The following KIF16B variants were observed in gnomAD, a reference collection of about 807,000 sequenced individuals.
The protein encoded by KIF16B is kinesin family member 16B.
A neutral mutation model predicts 156.3 loss-of-function variants in KIF16B; 98 were observed. The ratio of observed to expected loss-of-function variants is 0.63; its 90% CI spans 0.53 to 0.74. The LOEUF (loss-of-function observed/expected upper bound fraction) is 0.74, where lower values mean the gene tolerates loss of function less well. Ranked by LOEUF, KIF16B falls within the 30% of genes least tolerant of loss-of-function variation. KIF16B has a pLI of 0.00. For synonymous variants in KIF16B, 564 were observed against 583.7 expected, an observed-to-expected ratio of 0.97 and a Z score of 0.49; for missense variants, 1,421 against 1,606.5, an observed-to-expected ratio of 0.88 and a Z score of 1.97.
intron 25 of KIF16B, among the ~76,000 whole-genome samples, chr20:16,280,552 C>T (rs1403754373): frequency 6.6e-6 from 1 of 152,146 alleles, no homozygotes; most frequent in Non-Finnish European, 1.5e-5. Flanking sequence ...CTTATGTGAG[C>T]CCCTAAGACA....
At chr20:16,565,945 T>G (rs1158035986) in intron 1 of KIF16B, among the ~76,000 whole-genome samples, 1 of 152,206 alleles carries the variant, frequency 6.6e-6, no homozygotes, top group Non-Finnish European at 1.5e-5. Context: ...AAAAGCAGGA[T>G]ATAGAAGTGT....
chr20:16,426,234 A>C (rs986827153), intron 15 of KIF16B, among the ~76,000 whole-genome samples: 2 of 152,186 alleles, frequency 1.3e-5, no homozygotes, highest in Non-Finnish European at 2.9e-5. Context: ...TACTATTTTC[A>C]AAACTGCCAA....
intron 24 of KIF16B, among the ~76,000 whole-genome samples, chr20:16,324,501 C>T (rs571438082): frequency 6.6e-6 from 1 of 152,114 alleles, no homozygotes; most frequent in East Asian, 1.9e-4. Flanking sequence ...GTTCCAAGCT[C>T]ATTGCTGTGG....
At chr20:16,493,000 A>G (rs1158887593) in intron 12 of KIF16B, among the ~76,000 whole-genome samples, 3 of 152,196 alleles carry the variant, frequency 2.0e-5, no homozygotes, top group African/African-American at 4.8e-5. Context: ...AACTTATTCC[A>G]CATCTGACTA....
intron 24 of KIF16B, among the ~76,000 whole-genome samples, chr20:16,324,140 G>A (rs569317385): frequency 6.6e-6 from 1 of 152,046 alleles, no homozygotes; most frequent in South Asian, 2.1e-4. Context: ...TTCTTACTAC[G>A]ATTTGAATTG....
chr20:16,427,306 T>C lies in KIF16B; in HGVS notation c.1475-65A>G, dbSNP rs1412899711. On this transcript the variant is annotated intron_variant, in intron 14 of 25. Coordinates refer to ENST00000354981, the MANE Select transcript of KIF16B (RefSeq NM_024704.5). ...TTTCTACTGCAATGATTCCCAGCTA[T>C]TTATCTATAAATTTATTTATTTTCC... The C allele has an allele frequency of 2.9e-6, 4 of 1,395,950 alleles. No individual in the cohort carries two copies. The East Asian group carries it at 7.1e-5, about 25-fold the overall frequency. 86.5% of individuals were successfully genotyped at this position (1,395,950 alleles called of 1,614,324 possible).
intron 1 of KIF16B, among the ~76,000 whole-genome samples, chr20:16,556,391 G>A (rs150409480): frequency 1.3e-5 from 2 of 152,298 alleles, no homozygotes; most frequent in African/African-American, 4.8e-5. Context: ...TGCCCACTGT[G>A]GCCTCGATGC....
chr20:16,454,383 T>C (rs1230365930), intron 12 of KIF16B, among the ~76,000 whole-genome samples: 1 of 149,350 alleles, frequency 6.7e-6, no homozygotes, highest in African/African-American at 2.4e-5. Flanking sequence ...AAGTTTTATA[T>C]ATAAATAAAA....
intron 24 of KIF16B, among the ~76,000 whole-genome samples, chr20:16,334,687 G>T (rs1185348036): frequency 6.6e-6 from 1 of 152,138 alleles, no homozygotes. Context: ...ATGGTAATGA[G>T]TACCTTGAGA....
chr20:16,317,022 C>T (rs1308461864), intron 24 of KIF16B, among the ~76,000 whole-genome samples: 3 of 152,210 alleles, frequency 2.0e-5, no homozygotes, highest in Admixed American at 2.0e-4. Flanking sequence ...TCTGAATTGT[C>T]TCTGACCTCT....
intron 1 of KIF16B, among the ~76,000 whole-genome samples, chr20:16,562,253 C>G (rs1600704851): frequency 6.6e-6 from 1 of 152,144 alleles, no homozygotes; most frequent in Non-Finnish European, 1.5e-5. Context: ...TACCATAGTG[C>G]TGTACCTCCA....
intron 22 of KIF16B, chr20:16,367,271 C>A: frequency 1.2e-6 from 2 of 1,612,850 alleles, no homozygotes; most frequent in Non-Finnish European, 1.7e-6. Flanking sequence ...AACAACTGGA[C>A]ATTTGGGGCT....
intron 1 of KIF16B, among the ~76,000 whole-genome samples, chr20:16,557,378 C>G (rs1465393097): frequency 6.6e-6 from 1 of 152,038 alleles, no homozygotes; most frequent in Non-Finnish European, 1.5e-5. Flanking sequence ...TGGGGTTTCA[C>G]CATGTTGGCC....
chr20:16,389,460 T>C (rs766312991), intron 17 of KIF16B, among the ~76,000 whole-genome samples: 109 of 152,198 alleles, frequency 7.2e-4, no homozygotes, highest in Non-Finnish European at 1.4e-3. Context: ...GGACTAGAAC[T>C]CAATGGACGG....
At chr20:16,332,407 C>T (rs1215179531) in intron 24 of KIF16B, among the ~76,000 whole-genome samples, 1 of 152,146 alleles carries the variant, frequency 6.6e-6, no homozygotes, top group Non-Finnish European at 1.5e-5. Context: ...TGGCACACCT[C>T]GGGGTCTGTA....
intron 19 of KIF16B, 87 bp from the exon 20 acceptor site, chr20:16,374,496 G>C: frequency 8.0e-7 from 1 of 1,244,270 alleles, no homozygotes. Flanking sequence ...AGATAGCATG[G>C]GGGAACAAGA....
At position 16,495,492 on chromosome 20, in the gene KIF16B, T is replaced by C. The variant is rs190394950; in HGVS notation, c.1243-1142A>G. Among the ~76,000 whole-genome samples the C allele has an allele frequency of 3.1e-3, 477 of 152,332 alleles. 3 individuals are homozygous for C. Among genetic ancestry groups the C allele is most frequent in the African/African-American group, 0.011 (456 of 41,566 alleles). ...AACCAAAATATATCTCATTCACCTA[T>C]AGTCAATCATTCAGGGGTCCTCAAT... is the stretch of plus-strand genomic sequence containing the variant. On this transcript the variant is annotated intron_variant, in intron 11 of 25. Coordinates refer to ENST00000354981, the MANE Select transcript of KIF16B (RefSeq NM_024704.5).
intron 25 of KIF16B, among the ~76,000 whole-genome samples, chr20:16,310,232 G>A (rs954666676): frequency 2.0e-5 from 3 of 152,226 alleles, no homozygotes; most frequent in African/African-American, 7.2e-5. Flanking sequence ...TCACAGCCAA[G>A]GGAAGGAAGG....
chr20:16,384,031 G>C (rs960282066), intron 17 of KIF16B, among the ~76,000 whole-genome samples: 6 of 152,240 alleles, frequency 3.9e-5, no homozygotes, highest in African/African-American at 1.4e-4. Flanking sequence ...CTGAGGCTTA[G>C]AGTACATAAG....
Sources: gnomAD v4.1 joint callset for allele counts (sites outside exome capture counted in the v4.1 genomes callset) on GRCh38, gnomAD v4.1.1 for gene constraint, MANE v1.5 for transcripts, NCBI Gene and HGNC (gene_info 2026-07-23, HGNC 2026-07-21) for gene names.